Variants in SDCCAG8 observed in about 807,000 individuals in gnomAD.
SDCCAG8 encodes SHH signaling and ciliogenesis regulator SDCCAG8, also known as serologically defined colon cancer antigen 8.
Under a neutral mutation model 101.8 loss-of-function variants are expected in SDCCAG8, and 74 were observed. The observed-to-expected ratio is 0.73, with a 90% CI of 0.60 to 0.88. The LOEUF (loss-of-function observed/expected upper bound fraction) is 0.88. SDCCAG8 is among the 40% of genes least tolerant of loss of function. The pLI is 0.00. For missense variants in SDCCAG8, 787 were observed against 822.6 expected (o/e 0.96, Z 0.53); for synonymous variants, 281 against 292.9 (o/e 0.96, Z 0.41).
intron 16 of SDCCAG8, among the ~76,000 whole-genome samples, chr1:243,439,281 G>A (rs2082363424): frequency 6.6e-6 from 1 of 151,972 alleles, no homozygotes; most frequent in African/African-American, 2.4e-5. Context: ...AGCCTCCCAG[G>A]TAGTTGGGAC....
chr1:243,291,004 C>A (rs1300740248), intron 5 of SDCCAG8, among the ~76,000 whole-genome samples: 1 of 152,172 alleles, frequency 6.6e-6, no homozygotes, highest in Non-Finnish European at 1.5e-5. Flanking sequence ...ATAGGTGTTA[C>A]ACAAATGTTT....
At chr1:243,368,556 A>G (rs528023165) in intron 12 of SDCCAG8, among the ~76,000 whole-genome samples, 3 of 152,320 alleles carry the variant, frequency 2.0e-5, no homozygotes, top group South Asian at 4.1e-4. Context: ...CTCTTGTGAT[A>G]CAGCTCTGAA....
At chr1:243,319,855 C>G (rs1006681881) in intron 9 of SDCCAG8, among the ~76,000 whole-genome samples, 1 of 152,268 alleles carries the variant, frequency 6.6e-6, no homozygotes, top group East Asian at 1.9e-4. Flanking sequence ...CCCCTAAGAT[C>G]TCTCTGAAAC....
intron 16 of SDCCAG8, among the ~76,000 whole-genome samples, chr1:243,484,075 G>C (rs578176512): frequency 6.6e-6 from 1 of 152,108 alleles, no homozygotes; most frequent in East Asian, 1.9e-4. Flanking sequence ...TGGTGGGTGC[G>C]TGTTCCACAG....
chr1:243,319,096 G>A (rs1034463390), intron 9 of SDCCAG8, among the ~76,000 whole-genome samples: 2 of 152,038 alleles, frequency 1.3e-5, no homozygotes, highest in African/African-American at 2.4e-5. Flanking sequence ...ACTGAGCGAG[G>A]AGGAGAGGGG....
At chr1:243,295,408 T>C (rs999285801) in intron 6 of SDCCAG8, among the ~76,000 whole-genome samples, 2 of 152,120 alleles carry the variant, frequency 1.3e-5, no homozygotes, top group African/African-American at 4.8e-5. Flanking sequence ...CGGCTGATTT[T>C]TGTATTTTTA....
chr1:243,274,385 A>G (rs1042206829), intron 3 of SDCCAG8, among the ~76,000 whole-genome samples, 158 bp from the exon 4 acceptor site: 4 of 152,234 alleles, frequency 2.6e-5, no homozygotes, highest in Non-Finnish European at 4.4e-5. Flanking sequence ...TATCAAGACT[A>G]TAAGCTACAT....
At chr1:243,396,139 G>T (rs963303474) in intron 13 of SDCCAG8, among the ~76,000 whole-genome samples, 1 of 152,050 alleles carries the variant, frequency 6.6e-6, no homozygotes, top group Non-Finnish European at 1.5e-5. Flanking sequence ...TAAAGAATAT[G>T]ATATCTAAAA....
At chr1:243,400,708 AC>A (rs2079331387) in intron 13 of SDCCAG8, among the ~76,000 whole-genome samples, 1 of 152,218 alleles carries the variant, frequency 6.6e-6, no homozygotes, top group Non-Finnish European at 1.5e-5. Flanking sequence ...TTTGACAATT[AC>A]ATAACTAGAT....
intron 12 of SDCCAG8, among the ~76,000 whole-genome samples, chr1:243,365,010 A>G (rs1252500519): frequency 1.3e-5 from 2 of 152,236 alleles, no homozygotes; most frequent in East Asian, 1.9e-4. Context: ...TCTTTATTGC[A>G]TTGAAAAGTT....
intron 6 of SDCCAG8, among the ~76,000 whole-genome samples, chr1:243,296,836 A>T (rs187973794): frequency 4.6e-5 from 7 of 151,950 alleles, no homozygotes; most frequent in Non-Finnish European, 1.5e-5. Flanking sequence ...CCCGGCCCCA[A>T]CTGCTCTTTT....
At chr1:243,313,475 G>T (rs753564955) in intron 8 of SDCCAG8, among the ~76,000 whole-genome samples, 1 of 152,136 alleles carries the variant, frequency 6.6e-6, no homozygotes, top group Non-Finnish European at 1.5e-5. Context: ...ATGCTCATTA[G>T]TGCGTGTAAG....
At chr1:243,486,127 G>A (rs913519994) in intron 16 of SDCCAG8, among the ~76,000 whole-genome samples, 10 of 144,586 alleles carry the variant, frequency 6.9e-5, no homozygotes, top group Admixed American at 2.9e-4. Flanking sequence ...GTTTGAACCC[G>A]GAGGCGGAGG....
chr1:243,296,407 A>G (rs1252303743), intron 6 of SDCCAG8, among the ~76,000 whole-genome samples: 1 of 151,866 alleles, frequency 6.6e-6, no homozygotes, highest in Non-Finnish European at 1.5e-5. Context: ...CTACATCTAC[A>G]TTCTCCTTTT....
chr1:243,410,842 G>A (rs145336032), intron 13 of SDCCAG8, among the ~76,000 whole-genome samples: 3 of 152,290 alleles, frequency 2.0e-5, no homozygotes, highest in African/African-American at 7.2e-5. Context: ...TCTAAAAAGT[G>A]GGATGGTAAA....
chr1:243,276,612 T>A (rs532695285), intron 4 of SDCCAG8, among the ~76,000 whole-genome samples: 1 of 152,314 alleles, frequency 6.6e-6, no homozygotes, highest in African/African-American at 2.4e-5. Context: ...GTGTGGCACA[T>A]TTGTTACAAC....
intron 12 of SDCCAG8, among the ~76,000 whole-genome samples, chr1:243,349,826 GTCTT>G (rs1427765149): frequency 4.0e-5 from 6 of 150,860 alleles, no homozygotes; most frequent in East Asian, 1.9e-4. Flanking sequence ...TATAGAAAGC[GTCTT>G]TCTTTTTTTT....
chr1:243,372,972 A>G (rs181087434), intron 12 of SDCCAG8, among the ~76,000 whole-genome samples: 2 of 147,650 alleles, frequency 1.4e-5, no homozygotes. Flanking sequence ...ATATCTTAAT[A>G]TATATATAAG....
intron 13 of SDCCAG8, among the ~76,000 whole-genome samples, chr1:243,388,310 C>T (rs1320617362): frequency 1.3e-5 from 2 of 152,130 alleles, no homozygotes; most frequent in South Asian, 2.1e-4. Flanking sequence ...AAAGGAAATA[C>T]CTTTGATTTC....
Sources: allele counts gnomAD v4.1 joint callset (sites outside exome capture counted in the v4.1 genomes callset), GRCh38; gene constraint gnomAD v4.1.1; transcripts MANE v1.5; gene names NCBI Gene and HGNC (gene_info 2026-07-23, HGNC 2026-07-21).